The following AAK1 variants were observed in gnomAD, a reference collection of about 807,000 sequenced individuals.
The protein encoded by AAK1 is AP2 associated kinase 1.
A neutral mutation model predicts 116.0 loss-of-function variants in AAK1; 37 were observed. That is an observed-to-expected ratio of 0.32 (90% CI 0.25 to 0.42). The LOEUF (loss-of-function observed/expected upper bound fraction) is 0.42, where lower values mean the gene tolerates loss of function less well. Among genes scored for constraint, AAK1 ranks in the 10% least tolerant of loss-of-function variants. AAK1 has a pLI of 1.00. For synonymous variants in AAK1, 458 were observed against 439.9 expected (o/e 1.04, Z -0.51); for missense variants, 919 against 1,170.6 (o/e 0.79, Z 3.14).
chr2:69,496,569 T>C (rs1675754281), intron 16 of AAK1, among the ~76,000 whole-genome samples: 1 of 152,190 alleles, frequency 6.6e-6, no homozygotes, highest in African/African-American at 2.4e-5. Flanking sequence ...CAGCTCAACC[T>C]GGTCCTTGCA....
chr2:69,599,483 CAAGTATT>C (rs1438533673), intron 2 of AAK1, among the ~76,000 whole-genome samples: 1 of 151,150 alleles, frequency 6.6e-6, no homozygotes, highest in Non-Finnish European at 1.5e-5. Context: ...TTTCAGTTAT[CAAGTATT>C]ATTCGATATT....
At chr2:69,496,833 T>C (rs1675764356) in intron 16 of AAK1, among the ~76,000 whole-genome samples, 1 of 152,154 alleles carries the variant, frequency 6.6e-6, no homozygotes, top group Non-Finnish European at 1.5e-5. Context: ...TGTATCACCA[T>C]GATGTCTAAT....
In AAK1 at chr2:69,469,304, A is replaced by C; in HGVS notation, c.*6565T>G. The C allele has an allele frequency of 1.0e-6, 1 of 985,456 alleles. No individual in the cohort carries two copies. The highest frequency in any genetic ancestry group is 1.2e-6 in the Non-Finnish European group (1 of 829,946). 61.0% of individuals were successfully genotyped at this position (985,456 alleles called of 1,614,324 possible). A position where few individuals can be genotyped will look rare whatever the true frequency, so the allele number is the denominator to read the frequency against. On this transcript the variant is annotated 3_prime_UTR_variant, in exon 22 of 22. Coordinates refer to ENST00000409085, the MANE Select transcript of AAK1 (RefSeq NM_014911.5). ...CTTAAGGAATTCTGGTGGTGGCAGC[A>C]CCAGAAACAAGGTAGTCGAGAGAAG...
intron 16 of AAK1, chr2:69,500,314 G>C (rs1449486728): frequency 6.6e-6 from 1 of 152,186 alleles, no homozygotes; most frequent in East Asian, 1.9e-4. Flanking sequence ...GCAAACAAGA[G>C]AGAGGGGAAA....
At chr2:69,584,658 C>T (rs1314676885) in intron 2 of AAK1, among the ~76,000 whole-genome samples, 1 of 152,204 alleles carries the variant, frequency 6.6e-6, no homozygotes, top group African/African-American at 2.4e-5. Context: ...ATTTAGGTGT[C>T]AGGTCAGGCT....
At chr2:69,503,758 C>T (rs1486899604) in intron 16 of AAK1, among the ~76,000 whole-genome samples, 1 of 152,096 alleles carries the variant, frequency 6.6e-6, no homozygotes, top group Non-Finnish European at 1.5e-5. Flanking sequence ...TGACCTTAAG[C>T]GATCTGCCCA....
chr2:69,459,966 A>G lies in AAK1; in HGVS notation c.*15903T>C, dbSNP rs1674300644. ...GAATTTAAATTAGATAATTCCATTTAAAGTTTCCAATTCCTCGTTTAGGTG... is the reference window on the plus strand; with the variant it reads ...GAATTTAAATTAGATAATTCCATTTGAAGTTTCCAATTCCTCGTTTAGGTG... On this transcript the variant is annotated 3_prime_UTR_variant, in exon 22 of 22. Coordinates refer to ENST00000409085, the MANE Select transcript of AAK1 (RefSeq NM_014911.5). 1 of 152,222 alleles carries G rather than the reference A, an allele frequency of 6.6e-6. No individual in the cohort carries two copies. Among genetic ancestry groups the G allele is most frequent in the Admixed American group, 6.5e-5 (1 of 15,282 alleles). 9.4% of individuals were successfully genotyped at this position (152,222 alleles called of 1,614,324 possible).
At chr2:69,612,046 G>A (rs11903963) in intron 2 of AAK1, among the ~76,000 whole-genome samples, 1,576 of 152,292 alleles carry the variant, frequency 0.01, 21 homozygotes, top group African/African-American at 0.034. Context: ...TTTCAGTTGG[G>A]ACGATGAAAA....
At chr2:69,622,982 A>AAG (rs149409661) in intron 2 of AAK1, among the ~76,000 whole-genome samples, 19,946 of 151,976 alleles carry the variant, frequency 0.13, 3,034 homozygotes, top group African/African-American at 0.35. Context: ...GGGGCCAAAT[A>AAG]AGAATAAAAG....
At chr2:69,508,893 C>T (rs750041076) in intron 14 of AAK1, among the ~76,000 whole-genome samples, 1 of 152,186 alleles carries the variant, frequency 6.6e-6, no homozygotes, top group South Asian at 2.1e-4. Context: ...GACTTTTCAG[C>T]GTGGAGAGAC....
chr2:69,593,504 AT>A (rs1673125739), intron 2 of AAK1, among the ~76,000 whole-genome samples: 1 of 151,642 alleles, frequency 6.6e-6, no homozygotes, highest in Non-Finnish European at 1.5e-5. Context: ...TATAACATGT[AT>A]TTTATATAAT....
At chr2:69,536,405 T>A (rs1670474688) in intron 5 of AAK1, among the ~76,000 whole-genome samples, 1 of 151,870 alleles carries the variant, frequency 6.6e-6, no homozygotes, top group African/African-American at 2.4e-5. Context: ...GGGTGTGAGA[T>A]GACTAGGGCA....
In AAK1 at chr2:69,643,210, A is replaced by G. The variant is rs1675827352; in HGVS notation, c.-170T>C. On this transcript the variant is annotated 5_prime_UTR_variant, in exon 2 of 22. Coordinates refer to ENST00000409085, the MANE Select transcript of AAK1 (RefSeq NM_014911.5). Reference sequence around the variant, plus strand: ...GGGCTGAGGGAGGATGCCTATAGGAATATGCGTGTCAATCGCGCAGCGGGT... The same window carrying G: ...GGGCTGAGGGAGGATGCCTATAGGAGTATGCGTGTCAATCGCGCAGCGGGT... 1 of 1,418,510 alleles carries G rather than the reference A, an allele frequency of 7.0e-7. No homozygotes were observed. Among genetic ancestry groups the G allele is most frequent in the Non-Finnish European group, 9.1e-7 (1 of 1,094,350 alleles). 87.9% of individuals were successfully genotyped at this position (1,418,510 alleles called of 1,614,324 possible). A position where few individuals can be genotyped will look rare whatever the true frequency, so the allele number is the denominator to read the frequency against.
intron 2 of AAK1, among the ~76,000 whole-genome samples, chr2:69,640,079 T>TCTCCC: frequency 7.3e-6 from 1 of 136,422 alleles, no homozygotes; most frequent in South Asian, 2.4e-4. Flanking sequence ...TCTCTCTCTC[T>TCTCCC]CCCCCCCCAC....
At chr2:69,528,352 G>C (rs566885116) in intron 8 of AAK1, among the ~76,000 whole-genome samples, 121 of 152,232 alleles carry the variant, frequency 7.9e-4, no homozygotes, top group Non-Finnish European at 1.4e-3. Flanking sequence ...TTTTATAAGA[G>C]GAATCTTTTG....
rs1216117863 is a variant in AAK1, at chr2:69,467,783, G to A, written c.*8086C>T. On this transcript the variant is annotated 3_prime_UTR_variant, in exon 22 of 22. Coordinates refer to ENST00000409085, the MANE Select transcript of AAK1 (RefSeq NM_014911.5). ...TGAATTAAGCACACAGACCACAGCA[G>A]AAGAGGCATTAAAATCAGTTTATTG... The A allele has an allele frequency of 2.0e-6, 2 of 985,414 alleles. No individual in the cohort carries two copies. The highest frequency in any genetic ancestry group is 2.4e-6 in the Non-Finnish European group (2 of 829,934). 61.0% of individuals were successfully genotyped at this position (985,414 alleles called of 1,614,324 possible).
rs1412379931 is a variant in AAK1 at position 69,465,597 on chromosome 2, G to C, written c.*10272C>G. The C allele has an allele frequency of 2.3e-6, 3 of 1,290,980 alleles. No individual in the cohort carries two copies. In the South Asian group the frequency reaches 3.7e-5, roughly 16 times the overall value. 80.0% of individuals were successfully genotyped at this position (1,290,980 alleles called of 1,614,324 possible). A position where few individuals can be genotyped will look rare whatever the true frequency, so the allele number is the denominator to read the frequency against. On this transcript the variant is annotated 3_prime_UTR_variant, in exon 22 of 22. Coordinates refer to ENST00000409085, the MANE Select transcript of AAK1 (RefSeq NM_014911.5). ...AGCAATGGGCTGGGCTTCTGGACTT[G>C]GCTCGTCTTCTGGGCTATAGTGACG... is the stretch of plus-strand genomic sequence containing the variant.
intron 17 of AAK1, among the ~76,000 whole-genome samples, chr2:69,487,060 C>G (rs142922707): frequency 1.3e-5 from 2 of 152,320 alleles, no homozygotes; most frequent in African/African-American, 2.4e-5. Flanking sequence ...CTAGCTGATA[C>G]TAAGACTCAG....
At position 69,468,232 on chromosome 2, in the gene AAK1, T is replaced by C; in HGVS notation, c.*7637A>G. 1.0e-6 allele frequency: 1 copy of C among 985,468 alleles called. No individual in the cohort carries two copies. The highest frequency in any genetic ancestry group is 1.2e-6 in the Non-Finnish European group (1 of 829,936). 61.0% of individuals were successfully genotyped at this position (985,468 alleles called of 1,614,324 possible). On this transcript the variant is annotated 3_prime_UTR_variant, in exon 22 of 22. Transcript: ENST00000409085. ...AGAATACCTTCTTCCTTGCGATTTA[T>C]GTGGACAGACATAATCCTAATTTCT...
Sources: allele counts gnomAD v4.1 joint callset (sites outside exome capture counted in the v4.1 genomes callset), GRCh38; gene constraint gnomAD v4.1.1; transcripts MANE v1.5; gene names NCBI Gene and HGNC (gene_info 2026-07-23, HGNC 2026-07-21).